The following DLG2 variants were observed in gnomAD, a reference collection of about 807,000 sequenced individuals.
DLG2 encodes the protein disks large homolog 2.
In DLG2, 45 loss-of-function variants were observed where a neutral mutation model predicts 132.5. That is an observed-to-expected ratio of 0.34 (90% CI 0.27 to 0.44). The LOEUF is 0.44. DLG2 is among the 20% of genes least tolerant of loss of function. The pLI is 1.00. For synonymous variants in DLG2, 424 were observed against 419.6 expected, an observed-to-expected ratio of 1.01 and a Z score of -0.13; for missense variants, 1,045 against 1,196.9, an observed-to-expected ratio of 0.87 and a Z score of 1.87.
intron 3 of DLG2, among the ~76,000 whole-genome samples, chr11:85,346,153 C>T (rs1329411749): frequency 6.6e-6 from 1 of 151,812 alleles, no homozygotes; most frequent in Non-Finnish European, 1.5e-5. Flanking sequence ...ATGTGCTCTG[C>T]TACAAGGGTT....
chr11:84,920,021 C>A (rs981352434), intron 6 of DLG2, among the ~76,000 whole-genome samples: 2 of 152,098 alleles, frequency 1.3e-5, no homozygotes, highest in Non-Finnish European at 2.9e-5. Flanking sequence ...CTATTTAAAA[C>A]TAACAAGAAA....
At chr11:84,325,583 C>A (rs2098426453) in intron 7 of DLG2, among the ~76,000 whole-genome samples, 1 of 152,152 alleles carries the variant, frequency 6.6e-6, no homozygotes, top group African/African-American at 2.4e-5. Context: ...ACCATTCTTG[C>A]ATCTCAGAAA....
chr11:83,568,567 C>T (rs1008471079), intron 19 of DLG2, among the ~76,000 whole-genome samples: 11 of 152,020 alleles, frequency 7.2e-5, no homozygotes, highest in African/African-American at 2.7e-4. Context: ...AGGTAAAACC[C>T]AAGAGAATAA....
intron 3 of DLG2, among the ~76,000 whole-genome samples, chr11:85,396,832 G>T (rs996370510): frequency 2.0e-5 from 3 of 152,180 alleles, no homozygotes; most frequent in Non-Finnish European, 4.4e-5. Context: ...GCGGAGAATT[G>T]AACCAAGTTA....
intron 15 of DLG2, among the ~76,000 whole-genome samples, chr11:83,919,138 T>C (rs945796585): frequency 6.6e-6 from 1 of 152,160 alleles, no homozygotes; most frequent in South Asian, 2.1e-4. Flanking sequence ...CAACAGGCCC[T>C]ATAAGGAGGG....
chr11:85,127,240 C>G (rs1216771877), intron 5 of DLG2, among the ~76,000 whole-genome samples: 1 of 116,240 alleles, frequency 8.6e-6, no homozygotes, highest in South Asian at 3.6e-4. Flanking sequence ...CTCTCTCCCC[C>G]CGCCCCCCAC....
At chr11:85,243,199 T>G (rs1389421583) in intron 4 of DLG2, among the ~76,000 whole-genome samples, 1 of 151,942 alleles carries the variant, frequency 6.6e-6, no homozygotes, top group Non-Finnish European at 1.5e-5. Context: ...CCACTTAGAT[T>G]TCCACCCAGA....
At chr11:84,385,244 T>A (rs2510350) in intron 7 of DLG2, among the ~76,000 whole-genome samples, 27 of 151,962 alleles carry the variant, frequency 1.8e-4, no homozygotes, top group African/African-American at 5.8e-4. Context: ...TAAAGAGTTT[T>A]AAAAAAAATC....
chr11:84,649,269 C>A (rs2099678678), intron 6 of DLG2, among the ~76,000 whole-genome samples: 1 of 152,128 alleles, frequency 6.6e-6, no homozygotes, highest in Non-Finnish European at 1.5e-5. Context: ...TCCCTAGTAA[C>A]AGTTTCTTTA....
intron 6 of DLG2, among the ~76,000 whole-genome samples, chr11:84,819,307 C>T (rs1016946496): frequency 1.3e-5 from 2 of 151,946 alleles, no homozygotes; most frequent in African/African-American, 4.8e-5. Flanking sequence ...AAACTAGTCA[C>T]CTCACAGAAA....
At position 84,439,768 on chromosome 11, in the gene DLG2, T is replaced by C. The variant is rs148032849; in HGVS notation, c.519+94802A>G. 4.6e-5 allele frequency among the ~76,000 whole-genome samples: 7 copies of C among 152,310 alleles called. 1 individual carries two copies. The East Asian group carries it at 1.3e-3, about 29-fold the overall frequency. ...AAGCCATGTTGTAGTTAAAAGTGTA[T>C]TCAACTAAAAGACTAAAGTAGATAA... is the stretch of plus-strand genomic sequence containing the variant. On this transcript the variant is annotated intron_variant, in intron 7 of 27. Transcript: ENST00000376104.
At chr11:83,507,460 A>G (rs2094766110) in intron 21 of DLG2, among the ~76,000 whole-genome samples, 1 of 126,822 alleles carries the variant, frequency 7.9e-6, no homozygotes, top group Non-Finnish European at 1.7e-5. Flanking sequence ...ATATACACAT[A>G]TATATACCCT....
At chr11:84,736,078 A>G (rs1386066497) in intron 6 of DLG2, among the ~76,000 whole-genome samples, 2 of 151,832 alleles carry the variant, frequency 1.3e-5, no homozygotes, top group African/African-American at 4.8e-5. Context: ...TTTATATATG[A>G]TATGAGGTAT....
chr11:85,596,473 C>T (rs768266924), intron 3 of DLG2, among the ~76,000 whole-genome samples: 1 of 152,128 alleles, frequency 6.6e-6, no homozygotes, highest in African/African-American at 2.4e-5. Flanking sequence ...GTAAATATTA[C>T]AGCATGTTCT....
chr11:83,859,355 G>C (rs1038446750), intron 16 of DLG2, among the ~76,000 whole-genome samples: 1 of 152,180 alleles, frequency 6.6e-6, no homozygotes, highest in African/African-American at 2.4e-5. Context: ...TAATGATATG[G>C]ACAATGAAAT....
chr11:84,457,791 T>A (rs113397813), intron 7 of DLG2, among the ~76,000 whole-genome samples: 2 of 151,004 alleles, frequency 1.3e-5, no homozygotes, highest in Non-Finnish European at 3.0e-5. Flanking sequence ...TATAATTAAA[T>A]TCGTGCAAAA....
chr11:83,906,871 C>G (rs960015272), intron 15 of DLG2, among the ~76,000 whole-genome samples: 17 of 152,144 alleles, frequency 1.1e-4, no homozygotes, highest in African/African-American at 3.9e-4. Flanking sequence ...AGGGCTTACT[C>G]CTTCTGCAAG....
intron 5 of DLG2, chr11:85,132,737 C>T (rs550917807): frequency 5.9e-5 from 27 of 456,680 alleles, no homozygotes; most frequent in African/African-American, 4.8e-4. Context: ...AAAAATGCTG[C>T]ACACAATAAC....
At chr11:84,250,002 G>A (rs1018249304) in intron 8 of DLG2, among the ~76,000 whole-genome samples, 5 of 152,060 alleles carry the variant, frequency 3.3e-5, no homozygotes, top group Non-Finnish European at 7.4e-5. Flanking sequence ...GTCCCGGATT[G>A]CAGAACCTGC....
Sources: gnomAD v4.1 joint callset for allele counts (sites outside exome capture counted in the v4.1 genomes callset) on GRCh38, gnomAD v4.1.1 for gene constraint, MANE v1.5 for transcripts, NCBI Gene and HGNC (gene_info 2026-07-23, HGNC 2026-07-21) for gene names.